KIR2DL3: variants seen among roughly 807,000 people sequenced by gnomAD.
The protein encoded by KIR2DL3 is killer cell immunoglobulin-like receptor 2DL3.
KIR2DL3 carries 39 observed loss-of-function variants against 33.8 expected under a neutral mutation model. The ratio of observed to expected loss-of-function variants is 1.15; its 90% CI spans 0.89 to 1.51. KIR2DL3 has a LOEUF of 1.51. Among genes scored for constraint, KIR2DL3 ranks in the 40% most tolerant of loss-of-function variants. The pLI is 0.00. For synonymous variants in KIR2DL3, 174 were observed against 160.2 expected, an observed-to-expected ratio of 1.09 and a Z score of -0.65; for missense variants, 462 against 426.2, an observed-to-expected ratio of 1.08 and a Z score of -0.74.
At chr19:54,750,661 T>C (rs2073282408) in intron 5 of KIR2DL3, among the ~76,000 whole-genome samples, 1 of 137,180 alleles carries the variant, frequency 7.3e-6, no homozygotes, top group African/African-American at 2.7e-5. Flanking sequence ...GGACTGCACC[T>C]GGGCTTATGC....
chr19:54,746,603 C>G (rs2072526502), intron 4 of KIR2DL3, among the ~76,000 whole-genome samples: 1 of 148,492 alleles, frequency 6.7e-6, no homozygotes, highest in Non-Finnish European at 1.5e-5. Context: ...TTTCATTCCT[C>G]TGCATGTAGA....
intron 5 of KIR2DL3, among the ~76,000 whole-genome samples, chr19:54,748,595 G>A (rs1456785417): frequency 6.7e-6 from 1 of 149,014 alleles, no homozygotes; most frequent in East Asian, 1.9e-4. Context: ...CCATTGGGAA[G>A]CATCTGTGCA....
chr19:54,746,756 G>A (rs1453080124), intron 4 of KIR2DL3, among the ~76,000 whole-genome samples: 8 of 150,218 alleles, frequency 5.3e-5, no homozygotes, highest in Admixed American at 4.7e-4. Context: ...CCCAAGGCGG[G>A]TGGATCACCT....
At chr19:54,739,629 C>G in intron 2 of KIR2DL3, 87 bp downstream of exon 2, 2 of 1,608,136 alleles carry the variant, frequency 1.2e-6, no homozygotes, top group Non-Finnish European at 1.7e-6. Flanking sequence ...CGGGGAGTCT[C>G]TCATAAACTA....
At chr19:54,751,842 G>C in intron 6 of KIR2DL3, 89 bp downstream of exon 6, 11 of 1,122,424 alleles carry the variant, frequency 9.8e-6, no homozygotes, top group East Asian at 2.4e-5. Context: ...TCACAGACAG[G>C]ATGGTCCCTG....
intron 4 of KIR2DL3, among the ~76,000 whole-genome samples, chr19:54,744,948 ATATATATTTTTT>A (rs1437572412): frequency 2.7e-4 from 7 of 26,246 alleles, no homozygotes; most frequent in East Asian, 2.5e-3. Context: ...ATATATATAT[ATATATATTTTTT>A]TTTTTTTTTT....
rs148753662 is a variant in KIR2DL3 at position 54,752,566 on chromosome 19, G to A, written c.*47G>A. 870 of 1,458,772 alleles carry A rather than the reference G, an allele frequency of 6.0e-4. 174 individuals carry two copies. In the African/African-American group the frequency reaches 0.011, roughly 18 times the overall value. 90.4% of individuals were successfully genotyped at this position (1,458,772 alleles called of 1,614,324 possible). ...TGAGCACCACAGTCAGGCCTTGAGGGGATCTTCTAGGGAGACAACAGCCCT... is the reference window on the plus strand; with the variant it reads ...TGAGCACCACAGTCAGGCCTTGAGGAGATCTTCTAGGGAGACAACAGCCCT... On this transcript the variant is annotated 3_prime_UTR_variant, in exon 8 of 8. Coordinates refer to ENST00000342376, the MANE Select transcript of KIR2DL3 (RefSeq NM_015868.3).
intron 4 of KIR2DL3, among the ~76,000 whole-genome samples, chr19:54,745,837 A>G (rs982797721): frequency 2.7e-5 from 4 of 145,894 alleles, no homozygotes; most frequent in Non-Finnish European, 4.6e-5. Context: ...TTTGAGATGG[A>G]GTTTCGCTCT....
rs1429439406 is a variant in KIR2DL3, at chr19:54,744,059, C to T, written c.635C>T (p.Ser212Leu). 10 of 1,614,106 alleles carry T rather than the reference C, an allele frequency of 6.2e-6. No homozygotes were observed. The African/African-American group carries it at 1.1e-4, about 17-fold the overall frequency. Residue 212 changes from serine (S) to leucine (L), a missense_variant, in exon 4 of 8, where the codon TCG (serine) becomes TTG (leucine). Physicochemically the swap from Ser to Leu is moderately radical, Grantham distance 145. Transcript: ENST00000342376. ...GACTCTCCATACGAGTGGTCAAACT[C>T]GAGTGACCCACTGCTTGTTTCTGTC... ...FRDSPYEWSN[S>L]SDPLLVSVTG...
chr19:54,738,593 G>C lies in KIR2DL3; in HGVS notation c.34+14G>C. Reference sequence around the variant, plus strand: ...TGGTGTGTGTTGGTGAGTCCTGGAAGGGCATCGAGGGAGGGAGTGCGGGGA... The same window carrying C: ...TGGTGTGTGTTGGTGAGTCCTGGAACGGCATCGAGGGAGGGAGTGCGGGGA... On this transcript the variant is annotated intron_variant, in intron 1 of 7. Transcript: ENST00000342376. 1 of 1,612,162 alleles carries C rather than the reference G, an allele frequency of 6.2e-7. No individual in the cohort carries two copies.
At chr19:54,745,074 G>A (rs2072235435) in intron 4 of KIR2DL3, among the ~76,000 whole-genome samples, 3 of 149,922 alleles carry the variant, frequency 2.0e-5, no homozygotes, top group African/African-American at 4.9e-5. Flanking sequence ...GTGAGAAATG[G>A]GAATCTTTGT....
Position 54,747,187 on chromosome 19 carries a change from T to A in KIR2DL3, c.665-148T>A, listed in dbSNP as rs2072649050. On this transcript the variant is annotated intron_variant, in intron 4 of 7. Coordinates refer to ENST00000342376, the MANE Select transcript of KIR2DL3 (RefSeq NM_015868.3). ...AAGTCTCAAGACAGTGGGCGTCACA[T>A]ACAAAAATTACGGAAAAAAGGATCC... 10 of 922,458 alleles carry A rather than the reference T, an allele frequency of 1.1e-5. No individual in the cohort carries two copies. In the South Asian group the frequency reaches 1.3e-4, roughly 12 times the overall value. 57.1% of individuals were successfully genotyped at this position (922,458 alleles called of 1,614,324 possible).
rs1172437820 is a variant in KIR2DL3 at position 54,751,851 on chromosome 19, T to C, written c.820+98T>C. The C allele has an allele frequency of 6.5e-6, 7 of 1,070,266 alleles. 1 individual carries two copies. The highest frequency in any genetic ancestry group is 9.4e-6 in the Non-Finnish European group (7 of 741,578). The allele number at this position is 1,070,266 out of a possible 1,614,324, so 66.3% of individuals were successfully genotyped here. On this transcript the variant is annotated intron_variant, in intron 6 of 7. Transcript: ENST00000342376. ...TGTTCCTCACAGACAGGATGGTCCC[T>C]GGCCCAAGGCAGCAGCCACAGAGGG...
chr19:54,746,244 A>G (rs2072467354), intron 4 of KIR2DL3, among the ~76,000 whole-genome samples: 1 of 132,536 alleles, frequency 7.5e-6, no homozygotes, highest in African/African-American at 2.8e-5. Context: ...TTTCAATTAA[A>G]TCGTTTGTTT....
intron 2 of KIR2DL3, 63 bp downstream of exon 2, chr19:54,739,605 G>T: frequency 1.2e-6 from 2 of 1,613,384 alleles, no homozygotes; most frequent in Non-Finnish European, 1.7e-6. Context: ...CCTGAAACAG[G>T]AGGGAAGTCC....
chr19:54,752,739 C>T lies in KIR2DL3; in HGVS notation c.*220C>T. The stretch of plus-strand genomic sequence containing the variant: ...AAATGTCTAAGGTCCCCACTGCCTG[C>T]TGGAGAGAAAACACACTCCTTTGCT... On this transcript the variant is annotated 3_prime_UTR_variant, in exon 8 of 8. Transcript: ENST00000342376. 7.1e-6 allele frequency: 5 copies of T among 708,994 alleles called. No homozygotes were observed. The highest frequency in any genetic ancestry group is 4.1e-5 in the South Asian group (2 of 48,960). The allele number at this position is 708,994 out of a possible 1,614,324, so 43.9% of individuals were successfully genotyped here.
chr19:54,743,436 A>G (rs2071575015), intron 3 of KIR2DL3, among the ~76,000 whole-genome samples: 2 of 152,392 alleles, frequency 1.3e-5, no homozygotes, highest in South Asian at 4.1e-4. Flanking sequence ...CCGAATAGAT[A>G]AATAGATAGA....
chr19:54,743,053 A>C (rs1359362824), intron 3 of KIR2DL3, among the ~76,000 whole-genome samples: 33 of 151,908 alleles, frequency 2.2e-4, no homozygotes, highest in African/African-American at 7.7e-4. Flanking sequence ...GTCCTGAGAG[A>C]GAGGCACAAG....
chr19:54,746,642 A>G (rs908498429), intron 4 of KIR2DL3, among the ~76,000 whole-genome samples: 1 of 148,748 alleles, frequency 6.7e-6, no homozygotes, highest in Non-Finnish European at 1.5e-5. Context: ...CTGTTTATTG[A>G]AAAGACTGTC....
Sources: gnomAD v4.1 joint callset for allele counts (sites outside exome capture counted in the v4.1 genomes callset) on GRCh38, gnomAD v4.1.1 for gene constraint, MANE v1.5 for transcripts, NCBI Gene and HGNC (gene_info 2026-07-23, HGNC 2026-07-21) for gene names.